Variants in CDCP1 observed in about 807,000 individuals in gnomAD.
The protein encoded by CDCP1 is CUB domain-containing protein 1.
CDCP1 carries 29 observed loss-of-function variants against 60.2 expected under a neutral mutation model. That is an observed-to-expected ratio of 0.48 (90% CI 0.36 to 0.66). The LOEUF (loss-of-function observed/expected upper bound fraction) is 0.66. Among genes scored for constraint, CDCP1 ranks in the 30% least tolerant of loss-of-function variants. CDCP1 has a pLI of 0.00. For missense variants in CDCP1, 876 were observed against 1,074.3 expected, an observed-to-expected ratio of 0.82 and a Z score of 2.58; for synonymous variants, 387 against 431.1, an observed-to-expected ratio of 0.90 and a Z score of 1.27.
In CDCP1 at chr3:45,094,524, G is replaced by A. The variant is rs1200854818; in HGVS notation, c.1246+823C>T. On this transcript the variant is annotated intron_variant, in intron 5 of 8. Coordinates refer to ENST00000296129, the MANE Select transcript of CDCP1 (RefSeq NM_022842.5). ...TATCTGCCTGCCTCGGCCTCCCAAAGTGCTGGGATTACAGGCATGAGCCAC... is the reference window on the plus strand; with the variant it reads ...TATCTGCCTGCCTCGGCCTCCCAAAATGCTGGGATTACAGGCATGAGCCAC... Among the ~76,000 whole-genome samples the A allele has an allele frequency of 2.0e-5, 3 of 152,264 alleles. No individual in the cohort carries two copies. In the East Asian group the frequency reaches 5.8e-4, roughly 29 times the overall value.
chr3:45,095,253 G>A lies in CDCP1; in HGVS notation c.1246+94C>T, dbSNP rs984058702. 3.4e-6 allele frequency: 4 copies of A among 1,175,538 alleles called. No homozygotes were observed. In the African/African-American group the frequency reaches 4.6e-5, roughly 13 times the overall value. 72.8% of individuals were successfully genotyped at this position (1,175,538 alleles called of 1,614,324 possible). A position where few individuals can be genotyped will look rare whatever the true frequency, so the allele number is the denominator to read the frequency against. The stretch of plus-strand genomic sequence containing the variant: ...CCGGCCAGATGGGCCTTTTTGATAT[G>A]ATTTACAACCTACCCAGGGAACCCC... On this transcript the variant is annotated intron_variant, in intron 5 of 8. Transcript: ENST00000296129.
intron 8 of CDCP1, among the ~76,000 whole-genome samples, chr3:45,087,576 T>C (rs1054544606): frequency 2.6e-5 from 4 of 152,206 alleles, no homozygotes; most frequent in African/African-American, 9.7e-5. Context: ...GCAGTCCTTT[T>C]TCCCCCATGT....
At chr3:45,143,598 AT>A (rs1288923333) in intron 1 of CDCP1, among the ~76,000 whole-genome samples, 4 of 152,152 alleles carry the variant, frequency 2.6e-5, no homozygotes, top group Admixed American at 2.0e-4. Context: ...CTTATAGATA[AT>A]TTTTTTCCAT....
chr3:45,135,702 C>T (rs928267422), intron 1 of CDCP1, among the ~76,000 whole-genome samples: 3 of 152,096 alleles, frequency 2.0e-5, no homozygotes, highest in Non-Finnish European at 4.4e-5. Flanking sequence ...GGGCCAAACT[C>T]GGGGTTTTGT....
intron 1 of CDCP1, among the ~76,000 whole-genome samples, chr3:45,126,113 T>TCTTTCTTC (rs1698980927): frequency 1.1e-5 from 1 of 89,360 alleles, no homozygotes; most frequent in Non-Finnish European, 2.2e-5. Flanking sequence ...TCTCTCTCTT[T>TCTTTCTTC]CTTTCTTTCT....
At chr3:45,144,489 G>A (rs1381550008) in intron 1 of CDCP1, among the ~76,000 whole-genome samples, 1 of 152,224 alleles carries the variant, frequency 6.6e-6, no homozygotes, top group Non-Finnish European at 1.5e-5. Context: ...ACGTATTTAT[G>A]TATTGAACCA....
intron 4 of CDCP1, among the ~76,000 whole-genome samples, chr3:45,102,230 C>A (rs969022099): frequency 1.3e-4 from 19 of 151,926 alleles, no homozygotes; most frequent in Non-Finnish European, 2.2e-4. Context: ...TGCCATCATG[C>A]CTGGCTAAGT....
intron 3 of CDCP1, among the ~76,000 whole-genome samples, 174 bp downstream of exon 3, chr3:45,111,909 G>C (rs568775060): frequency 1.3e-5 from 2 of 152,302 alleles, no homozygotes; most frequent in African/African-American, 4.8e-5. Context: ...ATAGAGAAGA[G>C]GGGGTTCACA....
chr3:45,126,810 C>T (rs1229330082), intron 1 of CDCP1, among the ~76,000 whole-genome samples: 1 of 152,150 alleles, frequency 6.6e-6, no homozygotes, highest in Non-Finnish European at 1.5e-5. Flanking sequence ...ATTTATAAAT[C>T]CCCACAACCA....
chr3:45,116,436 A>G (rs1000189027), intron 2 of CDCP1, among the ~76,000 whole-genome samples: 1 of 152,004 alleles, frequency 6.6e-6, no homozygotes, highest in African/African-American at 2.4e-5. Context: ...GACATTTAAA[A>G]TCATCTATTG....
At chr3:45,119,189 TG>T (rs1359299822) in intron 1 of CDCP1, among the ~76,000 whole-genome samples, 14 of 152,250 alleles carry the variant, frequency 9.2e-5, no homozygotes, top group African/African-American at 3.4e-4. Flanking sequence ...TCAATGAATT[TG>T]GAAAGTTAGA....
rs752814255 is a variant in CDCP1 at position 45,085,869 on chromosome 3, G to T, written c.2280C>A (p.Asp760Glu). 6.2e-7 allele frequency: 1 copy of T among 1,614,196 alleles called. No homozygotes were observed. The highest frequency in any genetic ancestry group is 1.1e-5 in the South Asian group (1 of 91,084). ...SSGSFLQPEV[D>E]TYRPFQGTMG... Reference sequence around the variant, plus strand: ...TGGTGCCCTGGAACGGCCGGTAGGTGTCCACCTCTGGCTGCAGGAAGGAGC... The same window carrying T: ...TGGTGCCCTGGAACGGCCGGTAGGTTTCCACCTCTGGCTGCAGGAAGGAGC... Residue 760 changes from aspartate (D) to glutamate (E), a missense_variant, in exon 9 of 9, where the codon GAC becomes GAA. By Grantham distance (45) the Asp-to-Glu change is conservative. Coordinates refer to ENST00000296129, the MANE Select transcript of CDCP1 (RefSeq NM_022842.5). The surrounding 1 kb of genome is among the most constrained non-coding windows in gnomAD (Gnocchi z 4.2).
At position 45,112,104 on chromosome 3, in the gene CDCP1, C is replaced by T; in HGVS notation, c.634G>A (p.Ala212Thr). The change falls in exon 3 of 9, where the codon GCA (alanine) becomes ACA (threonine). Residue 212 changes from alanine to threonine, a missense_variant. Coordinates refer to ENST00000296129, the MANE Select transcript of CDCP1 (RefSeq NM_022842.5). Reference sequence around the variant, plus strand: ...TCACGTTTTATAGATGAGCGGTTTGCAATGCTGAAGCCGGAGACATTTCTG... The same window carrying T: ...TCACGTTTTATAGATGAGCGGTTTGTAATGCTGAAGCCGGAGACATTTCTG... ...HPRNVSGFSI[A>T]NRSSIKRLCI... The T allele has an allele frequency of 6.2e-7, 1 of 1,613,794 alleles. No homozygotes were observed. The highest frequency in any genetic ancestry group is 8.5e-7 in the Non-Finnish European group (1 of 1,179,776).
intron 4 of CDCP1, among the ~76,000 whole-genome samples, chr3:45,105,337 A>G (rs1698544535): frequency 6.6e-6 from 1 of 152,226 alleles, no homozygotes; most frequent in Non-Finnish European, 1.5e-5. Flanking sequence ...CAAGTTACCC[A>G]ACAAAAACAA....
intron 1 of CDCP1, among the ~76,000 whole-genome samples, chr3:45,126,226 C>T (rs1698997288): frequency 6.8e-6 from 1 of 148,016 alleles, no homozygotes; most frequent in Non-Finnish European, 1.5e-5. Context: ...TTCTTTCTTT[C>T]CTTCCTTTCT....
intron 1 of CDCP1, among the ~76,000 whole-genome samples, chr3:45,119,049 C>T (rs1170989742): frequency 1.3e-5 from 2 of 152,256 alleles, no homozygotes; most frequent in East Asian, 3.9e-4. Context: ...GCTGCTGTCC[C>T]TTGCCCTGGG....
intron 1 of CDCP1, among the ~76,000 whole-genome samples, chr3:45,135,689 C>T (rs1457563304): frequency 6.6e-6 from 1 of 152,070 alleles, no homozygotes. Flanking sequence ...TACTTCTGCT[C>T]CAGGGCCAAA....
intron 7 of CDCP1, among the ~76,000 whole-genome samples, chr3:45,090,280 T>A (rs1481890050): frequency 6.6e-6 from 1 of 152,096 alleles, no homozygotes; most frequent in African/African-American, 2.4e-5. Flanking sequence ...CTTCACTGAG[T>A]AAAGGGCAGA....
intron 1 of CDCP1, among the ~76,000 whole-genome samples, chr3:45,136,428 C>A (rs1002635364): frequency 6.6e-6 from 1 of 152,150 alleles, no homozygotes; most frequent in Non-Finnish European, 1.5e-5. Flanking sequence ...AAATTTGGGG[C>A]GATGAAGCAT....
Sources: gnomAD v4.1 joint callset for allele counts (sites outside exome capture counted in the v4.1 genomes callset) on GRCh38, gnomAD v4.1.1 for gene constraint, Gnocchi (gnomAD v3.1) non-coding constraint, MANE v1.5 for transcripts, NCBI Gene and HGNC (gene_info 2026-07-23, HGNC 2026-07-21) for gene names.